Variants in GRB14 observed in about 807,000 individuals in gnomAD.
The protein encoded by GRB14 is growth factor receptor bound protein 14.
GRB14 carries 38 observed loss-of-function variants against 69.1 expected under a neutral mutation model. The observed-to-expected ratio is 0.55, with a 90% confidence interval of 0.42 to 0.72. The LOEUF (loss-of-function observed/expected upper bound fraction) is 0.72. Among genes scored for constraint, GRB14 ranks in the 30% least tolerant of loss-of-function variants. GRB14 has a pLI of 0.00. For synonymous variants in GRB14, 247 were observed against 241.3 expected, an observed-to-expected ratio of 1.02 and a Z score of -0.22; for missense variants, 666 against 666.1, an observed-to-expected ratio of 1.00 and a Z score of 0.00.
At chr2:164,581,859 G>C (rs1689414970) in intron 2 of GRB14, among the ~76,000 whole-genome samples, 1 of 151,948 alleles carries the variant, frequency 6.6e-6, no homozygotes, top group Admixed American at 6.6e-5. Flanking sequence ...TTGATTTAAA[G>C]AAAAAAGACA....
rs61305070 is a variant in GRB14, at chr2:164,579,501, GCACACACACA to G, written c.325-31695_325-31686del. On this transcript the variant is annotated intron_variant, in intron 2 of 13. Transcript: ENST00000263915. ...CCTCATTTTATTACAGGGCACACTT[GCACACACACA>G]CACACACACACACACACACACACAC... 4.3e-4 allele frequency among the ~76,000 whole-genome samples: 62 copies of G among 145,106 alleles called. No homozygotes were observed. In the East Asian group the frequency reaches 9.6e-3, roughly 22 times the overall value.
chr2:164,617,536 C>A (rs1169869683), intron 2 of GRB14, among the ~76,000 whole-genome samples: 1 of 152,126 alleles, frequency 6.6e-6, no homozygotes, highest in South Asian at 2.1e-4. Flanking sequence ...CCTGCCTTAA[C>A]CCTGGCACTT....
chr2:164,555,932 AATAG>A (rs1429916840), intron 2 of GRB14, among the ~76,000 whole-genome samples: 9 of 146,192 alleles, frequency 6.2e-5, no homozygotes, highest in Middle Eastern at 3.4e-3. Context: ...TATTATTTTT[AATAG>A]ATAGGCAATG....
chr2:164,607,937 A>C (rs956412259), intron 2 of GRB14, among the ~76,000 whole-genome samples: 1 of 152,176 alleles, frequency 6.6e-6, no homozygotes, highest in Non-Finnish European at 1.5e-5. Context: ...TGTTCATCAA[A>C]AGTTTAAGGC....
chr2:164,568,898 G>C (rs1689054947), intron 2 of GRB14, among the ~76,000 whole-genome samples: 1 of 152,108 alleles, frequency 6.6e-6, no homozygotes, highest in African/African-American at 2.4e-5. Context: ...CCTGAGGTTA[G>C]AATTGGCACA....
chr2:164,494,638 C>T, intron 12 of GRB14, 114 bp from the exon 13 acceptor site: 1 of 719,542 alleles, frequency 1.4e-6, no homozygotes, highest in Non-Finnish European at 2.5e-6. Context: ...GACTCCTTTA[C>T]TATGTATTCA....
chr2:164,554,902 C>A (rs1030977372), intron 2 of GRB14, among the ~76,000 whole-genome samples: 3 of 149,864 alleles, frequency 2.0e-5, no homozygotes, highest in Non-Finnish European at 4.4e-5. Context: ...TGTTAAAGCA[C>A]AAGAAGAAAT....
chr2:164,608,951 T>C (rs912948775), intron 2 of GRB14, among the ~76,000 whole-genome samples: 1 of 152,200 alleles, frequency 6.6e-6, no homozygotes, highest in African/African-American at 2.4e-5. Flanking sequence ...GAGTTTATCG[T>C]ATGATTTGCC....
chr2:164,498,962 CTG>C (rs902429074), intron 9 of GRB14, among the ~76,000 whole-genome samples: 3 of 152,094 alleles, frequency 2.0e-5, no homozygotes, highest in Non-Finnish European at 4.4e-5. Flanking sequence ...GATGCTGTCT[CTG>C]TAATCTCTAT....
intron 3 of GRB14, among the ~76,000 whole-genome samples, chr2:164,541,293 AC>A (rs1320365932): frequency 4.6e-5 from 7 of 151,886 alleles, no homozygotes; most frequent in African/African-American, 1.7e-4. Flanking sequence ...GCATGGTGAA[AC>A]CCTGACTCTA....
intron 2 of GRB14, among the ~76,000 whole-genome samples, chr2:164,582,692 T>C (rs1467807119): frequency 6.6e-6 from 1 of 152,170 alleles, no homozygotes; most frequent in African/African-American, 2.4e-5. Flanking sequence ...GTGCTGGGAT[T>C]ACAGGCGTGA....
At chr2:164,539,832 T>C (rs1688186956) in intron 3 of GRB14, 1 of 152,196 alleles carries the variant, frequency 6.6e-6, no homozygotes, top group Non-Finnish European at 1.5e-5. Flanking sequence ...GATGGTACAA[T>C]GGCTGCATGT....
intron 2 of GRB14, among the ~76,000 whole-genome samples, chr2:164,552,951 C>T (rs1011934162): frequency 6.6e-6 from 1 of 152,170 alleles, no homozygotes; most frequent in African/African-American, 2.4e-5. Context: ...CTTTCATATG[C>T]AGCAATAACA....
intron 2 of GRB14, among the ~76,000 whole-genome samples, chr2:164,592,236 G>A (rs10203525): frequency 0.013 from 1,986 of 152,042 alleles, 38 homozygotes; most frequent in African/African-American, 0.045. Context: ...CCGGGTTCAC[G>A]CCATTCTCCC....
chr2:164,558,627 C>T (rs769561499), intron 2 of GRB14, among the ~76,000 whole-genome samples: 1 of 152,206 alleles, frequency 6.6e-6, no homozygotes, highest in Non-Finnish European at 1.5e-5. Flanking sequence ...TCTGCAAGTG[C>T]TAATGCTAAT....
chr2:164,581,376 C>T (rs896566098), intron 2 of GRB14, among the ~76,000 whole-genome samples: 3 of 152,124 alleles, frequency 2.0e-5, no homozygotes, highest in African/African-American at 7.2e-5. Flanking sequence ...AACGTAGTCA[C>T]AAGGGTCCTT....
At chr2:164,541,935 C>A (rs1191807633) in intron 3 of GRB14, among the ~76,000 whole-genome samples, 1 of 152,068 alleles carries the variant, frequency 6.6e-6, no homozygotes, top group African/African-American at 2.4e-5. Context: ...TTAGCTCCCA[C>A]TTAATACGGA....
At chr2:164,556,392 A>G (rs541235524) in intron 2 of GRB14, among the ~76,000 whole-genome samples, 1 of 152,334 alleles carries the variant, frequency 6.6e-6, no homozygotes, top group South Asian at 2.1e-4. Flanking sequence ...CTTGAGCATG[A>G]ACAGTACATG....
rs1268298056 is a variant in GRB14 at position 164,621,248 on chromosome 2, G to C, written c.62C>G (p.Pro21Arg). 7.8e-7 allele frequency: 1 copy of C among 1,275,722 alleles called. No individual in the cohort carries two copies. Among genetic ancestry groups the C allele is most frequent in the Non-Finnish European group, 9.9e-7 (1 of 1,010,190 alleles). The allele number at this position is 1,275,722 out of a possible 1,614,324, so 79.0% of individuals were successfully genotyped here. ...AGCGCCACACACCTGGGCGGCCAGC[G>C]GCGAATCCCGGGCAGCCGCCCTGCT... ...AASRAAARDS[P>R]LAAQVCGAAQ... The change falls in exon 1 of 14, where the codon CCG becomes CGG. Residue 21 changes from proline (P) to arginine (R), a missense_variant. Pro to Arg is a moderately radical substitution (Grantham distance 103). Coordinates refer to ENST00000263915, the MANE Select transcript of GRB14 (RefSeq NM_004490.3). This position sits in a 1 kb window ranked among gnomAD's most constrained non-coding sequence, Gnocchi z 6.0.
Sources: allele counts gnomAD v4.1 joint callset (sites outside exome capture counted in the v4.1 genomes callset), GRCh38; gene constraint gnomAD v4.1.1; non-coding constraint Gnocchi (gnomAD v3.1); transcripts MANE v1.5; gene names NCBI Gene and HGNC (gene_info 2026-07-23, HGNC 2026-07-21).